The following ARHGAP15 variants were observed in gnomAD, a reference collection of about 807,000 sequenced individuals.
ARHGAP15 encodes the protein Rho GTPase activating protein 15.
Under a neutral mutation model 63.7 loss-of-function variants are expected in ARHGAP15, and 51 were observed. The ratio of observed to expected loss-of-function variants is 0.80; its 90% CI spans 0.64 to 1.01. ARHGAP15 has a LOEUF of 1.01. ARHGAP15 is among the 50% of genes least tolerant of loss of function. The pLI, the probability that ARHGAP15 is intolerant of heterozygous loss-of-function variation, is 0.00. For synonymous variants in ARHGAP15, 191 were observed against 193.8 expected, an observed-to-expected ratio of 0.99 and a Z score of 0.12; for missense variants, 560 against 564.6, an observed-to-expected ratio of 0.99 and a Z score of 0.08.
intron 5 of ARHGAP15, among the ~76,000 whole-genome samples, chr2:143,239,191 A>C (rs1258745195): frequency 7.3e-6 from 1 of 136,204 alleles, no homozygotes; most frequent in East Asian, 2.5e-4. Context: ...CTAAAAATGG[A>C]AGAAAAAAAA....
intron 2 of ARHGAP15, among the ~76,000 whole-genome samples, chr2:143,187,813 T>C (rs1033258174): frequency 6.6e-6 from 1 of 152,234 alleles, no homozygotes; most frequent in African/African-American, 2.4e-5. Flanking sequence ...ATTTATCCAA[T>C]TAGGTGGGAG....
intron 5 of ARHGAP15, among the ~76,000 whole-genome samples, chr2:143,246,247 G>A (rs1325077307): frequency 1.3e-5 from 2 of 151,928 alleles, no homozygotes; most frequent in South Asian, 2.1e-4. Flanking sequence ...ATTTTCAAAA[G>A]ATTGTTGTAA....
chr2:143,514,790 A>T (rs1166348726), intron 9 of ARHGAP15, among the ~76,000 whole-genome samples: 1 of 152,130 alleles, frequency 6.6e-6, no homozygotes, highest in East Asian at 1.9e-4. Flanking sequence ...TGTATTCTGG[A>T]GCCCAGGCTG....
At chr2:143,209,945 CTAGAG>C (rs201341407) in intron 3 of ARHGAP15, among the ~76,000 whole-genome samples, 2,499 of 152,184 alleles carry the variant, frequency 0.016, 36 homozygotes, top group Admixed American at 0.025. Context: ...CCATTTAACT[CTAGAG>C]TAGAGAAAAA....
chr2:143,339,389 T>A (rs1023212320), intron 6 of ARHGAP15, among the ~76,000 whole-genome samples: 4 of 152,118 alleles, frequency 2.6e-5, no homozygotes, highest in African/African-American at 7.2e-5. Flanking sequence ...ATTCACAAAC[T>A]TTTGATAGTC....
intron 6 of ARHGAP15, among the ~76,000 whole-genome samples, chr2:143,408,680 A>T (rs879743315): frequency 9.9e-5 from 15 of 151,900 alleles, no homozygotes; most frequent in Non-Finnish European, 2.1e-4. Context: ...TACTTCTATT[A>T]TGTAAATAAT....
chr2:143,737,840 T>C (rs1181611097), intron 13 of ARHGAP15, among the ~76,000 whole-genome samples: 1 of 152,096 alleles, frequency 6.6e-6, no homozygotes, highest in Admixed American at 6.6e-5. Context: ...CACTGCAAGC[T>C]CCGCCTCCTG....
chr2:143,145,734 G>A (rs1045781273), intron 1 of ARHGAP15, among the ~76,000 whole-genome samples: 5 of 151,860 alleles, frequency 3.3e-5, no homozygotes, highest in African/African-American at 1.2e-4. Context: ...TCGTCACCAC[G>A]TGTGGCTAGG....
In ARHGAP15 at chr2:143,564,612, A is replaced by G. The variant is rs190201365; in HGVS notation, c.1003+8127A>G. On this transcript the variant is annotated intron_variant, in intron 11 of 13. Coordinates refer to ENST00000295095, the MANE Select transcript of ARHGAP15 (RefSeq NM_018460.4). The stretch of plus-strand genomic sequence containing the variant: ...GAGACATGACTTACCAAGACATAAC[A>G]TATACAAGATTTGCATTTGAAAAAA... 2.6e-3 allele frequency among the ~76,000 whole-genome samples: 392 copies of G among 152,288 alleles called. 4 individuals carry two copies. The highest frequency in any genetic ancestry group is 1.7e-3 in the Non-Finnish European group (115 of 68,028).
intron 6 of ARHGAP15, among the ~76,000 whole-genome samples, chr2:143,256,996 A>G (rs1398353848): frequency 1.3e-5 from 2 of 152,160 alleles, no homozygotes; most frequent in Non-Finnish European, 2.9e-5. Flanking sequence ...CTTGGGAACC[A>G]CTGTCTTTTT....
intron 3 of ARHGAP15, among the ~76,000 whole-genome samples, chr2:143,211,728 A>G (rs929456629): frequency 1.3e-5 from 2 of 152,110 alleles, no homozygotes; most frequent in African/African-American, 4.8e-5. Flanking sequence ...CAGAAAACTC[A>G]TATTTATCAT....
rs1248863270 is a variant in ARHGAP15, at chr2:143,180,864, G to T, written c.166-21270G>T. Among the ~76,000 whole-genome samples, 6 of 152,002 alleles carry T rather than the reference G, an allele frequency of 3.9e-5. No homozygotes were observed. In the South Asian group the frequency reaches 1.2e-3, roughly 32 times the overall value. On this transcript the variant is annotated intron_variant, in intron 2 of 13. Coordinates refer to ENST00000295095, the MANE Select transcript of ARHGAP15 (RefSeq NM_018460.4). ...AATTTTTTGTATTTTTAGTAGAGAC[G>T]GGGTTTCACCGTGTTAGCCAGAATG...
chr2:143,444,283 T>C (rs1179205541), intron 8 of ARHGAP15, among the ~76,000 whole-genome samples: 2 of 152,190 alleles, frequency 1.3e-5, no homozygotes, highest in Non-Finnish European at 2.9e-5. Flanking sequence ...TACACTACTG[T>C]GATTGTAAAC....
At chr2:143,156,922 T>C (rs1228451848) in intron 2 of ARHGAP15, among the ~76,000 whole-genome samples, 5 of 151,984 alleles carry the variant, frequency 3.3e-5, no homozygotes. Flanking sequence ...GAGTAAATTA[T>C]TGGAATCTCT....
chr2:143,602,037 C>T (rs1418308728), intron 11 of ARHGAP15, among the ~76,000 whole-genome samples: 8 of 151,860 alleles, frequency 5.3e-5, no homozygotes. Flanking sequence ...TGGCATGTGT[C>T]AGCAAAAGTA....
At chr2:143,610,100 G>A (rs912502628) in intron 11 of ARHGAP15, among the ~76,000 whole-genome samples, 14 of 152,102 alleles carry the variant, frequency 9.2e-5, no homozygotes, top group African/African-American at 2.9e-4. Context: ...AGATGCTCAG[G>A]TCTGAATGAG....
At chr2:143,569,081 G>A (rs1696350379) in intron 11 of ARHGAP15, among the ~76,000 whole-genome samples, 1 of 152,134 alleles carries the variant, frequency 6.6e-6, no homozygotes, top group Non-Finnish European at 1.5e-5. Context: ...GTTGATGGGT[G>A]CAGTGAGCCA....
At chr2:143,597,674 G>A (rs924116048) in intron 11 of ARHGAP15, among the ~76,000 whole-genome samples, 2 of 151,916 alleles carry the variant, frequency 1.3e-5, no homozygotes, top group Admixed American at 1.3e-4. Context: ...ACTCACATGA[G>A]AAAATAACTT....
At chr2:143,506,696 C>T (rs1361404981) in intron 9 of ARHGAP15, among the ~76,000 whole-genome samples, 2 of 152,084 alleles carry the variant, frequency 1.3e-5, no homozygotes, top group Non-Finnish European at 2.9e-5. Flanking sequence ...AAAATTTGGT[C>T]ATGTTAATTA....
Sources: allele counts gnomAD v4.1 joint callset (sites outside exome capture counted in the v4.1 genomes callset), GRCh38; gene constraint gnomAD v4.1.1; transcripts MANE v1.5; gene names NCBI Gene and HGNC (gene_info 2026-07-23, HGNC 2026-07-21).